Variants in GPATCH1 observed in about 807,000 individuals in gnomAD.
The protein encoded by GPATCH1 is G patch domain-containing protein 1.
GPATCH1 carries 73 observed loss-of-function variants against 114.9 expected under a neutral mutation model. The ratio of observed to expected loss-of-function variants is 0.64; its 90% CI spans 0.53 to 0.77. GPATCH1 has a LOEUF of 0.77. Among genes scored for constraint, GPATCH1 ranks in the 30% least tolerant of loss-of-function variants. The pLI is 0.00. For synonymous variants in GPATCH1, 391 were observed against 428.4 expected (o/e 0.91, Z 1.08); for missense variants, 1,058 against 1,144.3 (o/e 0.92, Z 1.09).
At chr19:33,094,584 G>A (rs965181270) in intron 5 of GPATCH1, among the ~76,000 whole-genome samples, 1 of 152,198 alleles carries the variant, frequency 6.6e-6, no homozygotes, top group Non-Finnish European at 1.5e-5. Flanking sequence ...CCAGTGGTAT[G>A]TGTGTCTTCT....
chr19:33,094,034 G>C (rs1013169305), intron 4 of GPATCH1, 138 bp from the exon 5 acceptor site: 1 of 622,040 alleles, frequency 1.6e-6, no homozygotes, highest in Non-Finnish European at 2.9e-6. Context: ...GCAGGGTCAC[G>C]CCAGATGTAA....
chr19:33,130,444 TA>T lies in GPATCH1; in HGVS notation c.*290del. The T allele has an allele frequency of 3.1e-6, 1 of 323,930 alleles. No individual in the cohort carries two copies. Among genetic ancestry groups the T allele is most frequent in the African/African-American group, 2.1e-5 (1 of 46,554 alleles). 20.1% of individuals were successfully genotyped at this position (323,930 alleles called of 1,614,324 possible). The stretch of plus-strand genomic sequence containing the variant: ...ATTTTTAAAAAATTTCCTGGGACGT[TA>T]AAAAAGAAGTTAAAAGTGAAGGCTT... On this transcript the variant is annotated 3_prime_UTR_variant, in exon 20 of 20. Transcript: ENST00000170564.
intron 11 of GPATCH1, among the ~76,000 whole-genome samples, chr19:33,110,809 G>T (rs1972843092): frequency 1.3e-5 from 2 of 151,740 alleles, no homozygotes; most frequent in Non-Finnish European, 2.9e-5. Context: ...TGTTATGTTT[G>T]GTAGACAGAA....
intron 2 of GPATCH1, among the ~76,000 whole-genome samples, chr19:33,090,201 C>T (rs1435212605): frequency 6.6e-6 from 1 of 152,302 alleles, no homozygotes; most frequent in Middle Eastern, 3.4e-3. Context: ...CCATTGGTTA[C>T]AGGATTCCAG....
At chr19:33,121,680 T>G (rs1352374507) in intron 17 of GPATCH1, among the ~76,000 whole-genome samples, 2 of 152,176 alleles carry the variant, frequency 1.3e-5, no homozygotes, top group Non-Finnish European at 2.9e-5. Context: ...CTCTCAGAAG[T>G]AAATACAATC....
In GPATCH1 at chr19:33,130,154, G is replaced by A; in HGVS notation, c.2790G>A (p.Arg930=). 1 of 1,608,754 alleles carries A rather than the reference G, an allele frequency of 6.2e-7. No individual in the cohort carries two copies. The highest frequency in any genetic ancestry group is 8.5e-7 in the Non-Finnish European group (1 of 1,175,268). The change falls in exon 20 of 20, where the codon AGG becomes AGA. Residue 930 remains arginine, a synonymous_variant. Transcript: ENST00000170564. ...GGCTGAAAAGTCTTCCACTAAGAAGGCAGTAATTGAATGCTGCCCTGGCTC... is the reference window on the plus strand; with the variant it reads ...GGCTGAAAAGTCTTCCACTAAGAAGACAGTAATTGAATGCTGCCCTGGCTC... ...LRRLKSLPLR[R]Q is the part of the protein sequence containing the mutation.
chr19:33,122,704 G>A (rs28654374), intron 17 of GPATCH1, among the ~76,000 whole-genome samples: 23,643 of 151,848 alleles, frequency 0.16, 2,022 homozygotes, highest in East Asian at 0.35. Context: ...TGATACCCTC[G>A]TAATAGTGAC....
chr19:33,121,058 A>G (rs1249354449), intron 17 of GPATCH1, among the ~76,000 whole-genome samples: 1 of 151,752 alleles, frequency 6.6e-6, no homozygotes, highest in African/African-American at 2.4e-5. Context: ...AAAATAGTAT[A>G]CAAAATTGGA....
chr19:33,095,257 G>GTTTTT (rs940614947), intron 5 of GPATCH1, among the ~76,000 whole-genome samples: 35 of 109,268 alleles, frequency 3.2e-4, no homozygotes, highest in East Asian at 6.5e-4. Flanking sequence ...TATCAGTGAG[G>GTTTTT]TTTTTTTTTT....
intron 19 of GPATCH1, among the ~76,000 whole-genome samples, chr19:33,128,175 C>G (rs1266297334): frequency 6.6e-6 from 1 of 152,164 alleles, no homozygotes; most frequent in African/African-American, 2.4e-5. Flanking sequence ...GTAAACTCTG[C>G]CTCTCCGGCT....
At chr19:33,101,902 G>A (rs1280561693) in intron 9 of GPATCH1, among the ~76,000 whole-genome samples, 2 of 151,826 alleles carry the variant, frequency 1.3e-5, no homozygotes, top group Middle Eastern at 3.2e-3. Flanking sequence ...GGTGTCGCAT[G>A]CCTGTAATCC....
At chr19:33,122,557 T>C (rs1972997363) in intron 17 of GPATCH1, among the ~76,000 whole-genome samples, 1 of 151,844 alleles carries the variant, frequency 6.6e-6, no homozygotes, top group Admixed American at 6.6e-5. Flanking sequence ...TCTCCTGAAC[T>C]TGTGATCTGC....
chr19:33,095,438 A>C (rs957663712), intron 5 of GPATCH1, among the ~76,000 whole-genome samples: 4 of 149,742 alleles, frequency 2.7e-5, no homozygotes, highest in Non-Finnish European at 5.9e-5. Flanking sequence ...TTTTTTTTGT[A>C]TTTTTTGTAG....
intron 17 of GPATCH1, among the ~76,000 whole-genome samples, chr19:33,123,908 G>A (rs929467130): frequency 5.9e-5 from 9 of 151,310 alleles, no homozygotes; most frequent in African/African-American, 2.2e-4. Context: ...CCAGGCTGGA[G>A]TGTAGCACGA....
chr19:33,083,789 GTT>G (rs1972506095), intron 1 of GPATCH1, among the ~76,000 whole-genome samples: 1 of 152,122 alleles, frequency 6.6e-6, no homozygotes, highest in Non-Finnish European at 1.5e-5. Flanking sequence ...AGTAATACAA[GTT>G]TTTGAGGATT....
chr19:33,090,544 T>C (rs1363726150), intron 2 of GPATCH1, among the ~76,000 whole-genome samples: 3 of 152,184 alleles, frequency 2.0e-5, no homozygotes, highest in Non-Finnish European at 4.4e-5. Flanking sequence ...CTATATCTCT[T>C]GGTTTCACTT....
At chr19:33,094,636 T>G (rs1334951100) in intron 5 of GPATCH1, among the ~76,000 whole-genome samples, 1 of 152,178 alleles carries the variant, frequency 6.6e-6, no homozygotes, top group African/African-American at 2.4e-5. Flanking sequence ...CCAGAAAGGC[T>G]GTGCTAGTTT....
chr19:33,118,473 C>T (rs532129613), intron 16 of GPATCH1, among the ~76,000 whole-genome samples: 17 of 152,174 alleles, frequency 1.1e-4, no homozygotes, highest in South Asian at 8.3e-4. Flanking sequence ...TCCCAGTGCC[C>T]GGCTAGTTTT....
At position 33,096,280 on chromosome 19, in the gene GPATCH1, C is replaced by T. The variant is rs1235236536; in HGVS notation, c.686C>T (p.Pro229Leu). Residue 229 changes from proline (P) to leucine (L), a missense_variant, in exon 7 of 20, where the codon CCT (proline) becomes CTT (leucine). Physicochemically the swap from Pro to Leu is moderately conservative, Grantham distance 98. Around this residue, in one of 3 missense-constraint regions of GPATCH1, gnomAD observed 893 missense variants for 977.4 expected, o/e 0.91. Transcript: ENST00000170564. ...PKDVTPVDFT[P>L]KDNVHGLAYK... is the part of the protein sequence containing the mutation. ...GATGTCACACCTGTGGATTTCACAC[C>T]TAAAGATAATGTGCATGGTCTAGCT... is the stretch of plus-strand genomic sequence containing the variant. The T allele has an allele frequency of 6.2e-7, 1 of 1,614,060 alleles. No individual in the cohort carries two copies. Among genetic ancestry groups the T allele is most frequent in the South Asian group, 1.1e-5 (1 of 91,082 alleles).
Sources: allele counts gnomAD v4.1 joint callset (sites outside exome capture counted in the v4.1 genomes callset), GRCh38; gene constraint gnomAD v4.1.1; regional missense constraint gnomAD v4.1.1; transcripts MANE v1.5; gene names NCBI Gene and HGNC (gene_info 2026-07-23, HGNC 2026-07-21).